TUT1: variants seen among roughly 807,000 people sequenced by gnomAD.
TUT1 encodes terminal uridylyl transferase 1, U6 snRNA-specific.
TUT1 carries 26 observed loss-of-function variants against 48.8 expected under a neutral mutation model. The observed-to-expected ratio is 0.53, with a 90% CI of 0.39 to 0.74. The LOEUF is 0.74. Ranked by LOEUF, TUT1 falls within the 30% of genes least tolerant of loss-of-function variation. The pLI, the probability that TUT1 is intolerant of heterozygous loss-of-function variation, is 0.00. For missense variants in TUT1, 1,065 were observed against 1,114.8 expected (o/e 0.96, Z 0.64); for synonymous variants, 470 against 460.8 (o/e 1.02, Z -0.26).
At chr11:62,585,524 G>T (rs1173705681) in intron 2 of TUT1, among the ~76,000 whole-genome samples, 2 of 150,974 alleles carry the variant, frequency 1.3e-5, no homozygotes, top group African/African-American at 4.8e-5. Context: ...GGGAGGGCAG[G>T]ACTGGCAGAT....
In TUT1 at chr11:62,576,121, C is replaced by T. The variant is rs757130224; in HGVS notation, c.1598G>A (p.Gly533Asp). The T allele has an allele frequency of 5.0e-6, 8 of 1,614,018 alleles. No homozygotes were observed. In the East Asian group the frequency reaches 1.6e-4, roughly 31 times the overall value. Reference sequence around the variant, plus strand: ...GAGATTCAGGGGGCCAAGGCGCAGACCCTCCCAGAGATTAGAAGGCAGGCC... The same window carrying T: ...GAGATTCAGGGGGCCAAGGCGCAGATCCTCCCAGAGATTAGAAGGCAGGCC... Reference protein sequence around the residue: ...AGGLPSNLWEGLRLGPLNLQD... With the variant: ...AGGLPSNLWEDLRLGPLNLQD... Residue 533 changes from glycine to aspartate, a missense_variant, in exon 9 of 9, where the codon GGT (glycine) becomes GAT (aspartate). Coordinates refer to ENST00000476907, the MANE Select transcript of TUT1 (RefSeq NM_022830.3).
At chr11:62,576,450 G>T in intron 8 of TUT1, 1 of 779,522 alleles carries the variant, frequency 1.3e-6, no homozygotes, top group Non-Finnish European at 2.0e-6. Flanking sequence ...CCCAGATGCT[G>T]CTGCTCCTTG....
At chr11:62,585,518 G>A (rs909917759) in intron 2 of TUT1, among the ~76,000 whole-genome samples, 1 of 151,232 alleles carries the variant, frequency 6.6e-6, no homozygotes, top group Non-Finnish European at 1.5e-5. Flanking sequence ...GCATCAGGGA[G>A]GGCAGGACTG....
Position 62,576,665 on chromosome 11 carries a change from TCCA to T in TUT1, c.1463_1465del (p.Val488del). On this transcript the variant is annotated inframe_deletion, in exon 8 of 9. Coordinates refer to ENST00000476907, the MANE Select transcript of TUT1 (RefSeq NM_022830.3). ...AGGCTCCCCAAACTCACTGAGGGGC[TCCA>T]CATTTATGCTGGGCTCCAGTCTTGA... is the stretch of plus-strand genomic sequence containing the variant. 6.2e-7 allele frequency: 1 copy of T among 1,614,124 alleles called. No individual in the cohort carries two copies. Among genetic ancestry groups the T allele is most frequent in the Non-Finnish European group, 8.5e-7 (1 of 1,179,988 alleles).
At position 62,578,752 on chromosome 11, in the gene TUT1, G is replaced by A. The variant is rs1159023376; in HGVS notation, c.969C>T (p.Ala323=). 1.7e-5 allele frequency: 27 copies of A among 1,614,024 alleles called. No individual in the cohort carries two copies. Among genetic ancestry groups the A allele is most frequent in the Admixed American group, 3.3e-5 (2 of 59,984 alleles). ...CCTTTGGGGTCTCTGCTAGTTCCGA[G>A]GCCTTCCCCAGGTCCCCCTCTTCCC... ...EDREEGDLGK[A]SELAETPKEE... Residue 323 remains alanine, a synonymous_variant, in exon 5 of 9, where the codon GCC becomes GCT. Transcript: ENST00000476907.
At chr11:62,591,239 T>C (rs1325297911) in intron 1 of TUT1, 165 bp downstream of exon 1, 24 of 928,812 alleles carry the variant, frequency 2.6e-5, no homozygotes, top group African/African-American at 1.8e-5. Context: ...GGTGGAACTT[T>C]CCCGACTCTC....
intron 5 of TUT1, among the ~76,000 whole-genome samples, chr11:62,577,830 G>C (rs1185786443): frequency 6.6e-6 from 1 of 152,102 alleles, no homozygotes; most frequent in Non-Finnish European, 1.5e-5. Context: ...GGGAGGCCGA[G>C]GCGGGCAGAT....
chr11:62,589,267 C>T (rs531334200), intron 1 of TUT1, 46 bp from the exon 2 acceptor site: 21 of 1,584,952 alleles, frequency 1.3e-5, no homozygotes, highest in African/African-American at 1.1e-4. Flanking sequence ...CACTCTTCGA[C>T]GTGTCTGCCT....
At chr11:62,580,948 A>G (rs916471597) in intron 4 of TUT1, among the ~76,000 whole-genome samples, 158 bp downstream of exon 4, 1 of 152,032 alleles carries the variant, frequency 6.6e-6, no homozygotes, top group Non-Finnish European at 1.5e-5. Flanking sequence ...ACTCATCCAT[A>G]TTCACATCTC....
intron 3 of TUT1, 47 bp downstream of exon 3, chr11:62,581,339 G>A (rs762148425): frequency 5.4e-5 from 84 of 1,569,996 alleles, no homozygotes; most frequent in African/African-American, 1.4e-5. Context: ...AGACACAGGA[G>A]AGCAAAGGCC....
intron 4 of TUT1, 130 bp from the exon 5 acceptor site, chr11:62,579,160 C>T: frequency 1.7e-6 from 1 of 572,252 alleles, no homozygotes; most frequent in Non-Finnish European, 2.7e-6. Flanking sequence ...ATTTAATCTT[C>T]ACAGGAACCC....
intron 2 of TUT1, chr11:62,582,427 AAAAG>A: frequency 3.6e-6 from 1 of 276,234 alleles, no homozygotes; most frequent in Non-Finnish European, 7.4e-6. Context: ...CTCAAAAAAA[AAAAG>A]AAAAGAAAAA....
At chr11:62,579,099 T>C in intron 4 of TUT1, 69 bp from the exon 5 acceptor site, 1 of 1,214,212 alleles carries the variant, frequency 8.2e-7, no homozygotes, top group Non-Finnish European at 1.1e-6. Context: ...CAAGATAATA[T>C]TACTTCCAGC....
At chr11:62,578,079 AAAAAAAAAGT>A (rs1941759689) in intron 5 of TUT1, among the ~76,000 whole-genome samples, 2 of 151,676 alleles carry the variant, frequency 1.3e-5, no homozygotes, top group South Asian at 4.2e-4. Context: ...AAAAAAAAAA[AAAAAAAAAGT>A]AGTATTCTAA....
At chr11:62,585,704 G>A (rs1166015018) in intron 2 of TUT1, among the ~76,000 whole-genome samples, 3 of 152,136 alleles carry the variant, frequency 2.0e-5, no homozygotes, top group Non-Finnish European at 4.4e-5. Context: ...GGTGGCAGGC[G>A]CCTGTAAACC....
At chr11:62,580,459 C>CA (rs112238072) in intron 4 of TUT1, among the ~76,000 whole-genome samples, 127 of 128,382 alleles carry the variant, frequency 9.9e-4, no homozygotes, top group African/African-American at 1.5e-3. Context: ...GACGGTCTCT[C>CA]AAAAAAAAAA....
In TUT1 at chr11:62,575,140, T is replaced by C; in HGVS notation, c.2579A>G (p.His860Arg). The C allele has an allele frequency of 6.3e-7, 1 of 1,589,236 alleles. No individual in the cohort carries two copies. Among genetic ancestry groups the C allele is most frequent in the Non-Finnish European group, 8.6e-7 (1 of 1,165,082 alleles). Residue 860 changes from histidine to arginine, a missense_variant, in exon 9 of 9, where the codon CAT (histidine) becomes CGT (arginine). Coordinates refer to ENST00000476907, the MANE Select transcript of TUT1 (RefSeq NM_022830.3). ...TTGAGGGAGGAAAACCTGTAAGAAATGATGGAGATCAGGGAACAGGCCTTG... is the reference window on the plus strand; with the variant it reads ...TTGAGGGAGGAAAACCTGTAAGAAACGATGGAGATCAGGGAACAGGCCTTG... ...DPQGLFPDLHHFLQVFLPQAI... is the reference protein window; with the variant it reads ...DPQGLFPDLHRFLQVFLPQAI...
chr11:62,582,563 C>T (rs1190765131), intron 2 of TUT1: 2 of 454,826 alleles, frequency 4.4e-6, no homozygotes, highest in African/African-American at 2.0e-5. Context: ...GATTGCACCA[C>T]TACACACCAG....
intron 8 of TUT1, 115 bp from the exon 9 acceptor site, chr11:62,576,359 A>T: frequency 7.7e-7 from 1 of 1,302,596 alleles, no homozygotes; most frequent in Non-Finnish European, 1.0e-6. Context: ...GGGGCTCAGC[A>T]GAGTCCCAGG....
Sources: gnomAD v4.1 joint callset for allele counts (sites outside exome capture counted in the v4.1 genomes callset) on GRCh38, gnomAD v4.1.1 for gene constraint, MANE v1.5 for transcripts, NCBI Gene and HGNC (gene_info 2026-07-23, HGNC 2026-07-21) for gene names.